Variants in TEKT1 observed in about 807,000 individuals in gnomAD.
TEKT1 encodes tektin-1.
Under a neutral mutation model 34.8 loss-of-function variants are expected in TEKT1, and 32 were observed. That is an observed-to-expected ratio of 0.92 (90% confidence interval 0.69 to 1.23). The LOEUF (loss-of-function observed/expected upper bound fraction) is 1.23. Among genes scored for constraint, TEKT1 ranks in the 50% most tolerant of loss-of-function variants. TEKT1 has a pLI of 0.00. For synonymous variants in TEKT1, 207 were observed against 199.8 expected (o/e 1.04, Z -0.30); for missense variants, 492 against 518.5 (o/e 0.95, Z 0.50).
Position 6,800,048 on chromosome 17 carries a change from G to A in TEKT1, c.1236C>T (p.Leu412=). The A allele has an allele frequency of 6.2e-7, 1 of 1,610,098 alleles. No individual in the cohort carries two copies. The highest frequency in any genetic ancestry group is 8.5e-7 in the Non-Finnish European group (1 of 1,179,974). Residue 412 remains leucine, a synonymous_variant, in exon 8 of 8, where the codon CTC becomes CTT. Transcript: ENST00000338694. ...GEDHGVWAGG[L]RPDAVC Reference sequence around the variant, plus strand: ...ACTATTAGCAGACAGCATCAGGGCGGAGGCCCCCAGCCCAGACCCCATGGT... The same window carrying A: ...ACTATTAGCAGACAGCATCAGGGCGAAGGCCCCCAGCCCAGACCCCATGGT...
intron 5 of TEKT1, 145 bp downstream of exon 5, chr17:6,815,018 T>C (rs904708460): frequency 5.1e-6 from 5 of 974,752 alleles, no homozygotes; most frequent in Middle Eastern, 3.4e-4. Context: ...CTGGGCCCAA[T>C]GTCAAGGTCA....
chr17:6,812,838 A>G lies in TEKT1; in HGVS notation c.845T>C (p.Leu282Pro). The G allele has an allele frequency of 6.2e-7, 1 of 1,613,670 alleles. No homozygotes were observed. The highest frequency in any genetic ancestry group is 1.3e-5 in the African/African-American group (1 of 75,058). Reference sequence around the variant, plus strand: ...TCCCTCAAGGGACCTCACCTTGGCCAGATGATCAGCCAGCTTGTCCCTGGC... The same window carrying G: ...TCCCTCAAGGGACCTCACCTTGGCCGGATGATCAGCCAGCTTGTCCCTGGC... ...KDARDKLADH[L>P]AKVMEEIASQ... Residue 282 changes from leucine (L) to proline (P), a missense_variant, in exon 6 of 8, where the codon CTG becomes CCG. Coordinates refer to ENST00000338694, the MANE Select transcript of TEKT1 (RefSeq NM_053285.2).
At chr17:6,813,856 T>C (rs1976962099) in intron 5 of TEKT1, among the ~76,000 whole-genome samples, 1 of 152,098 alleles carries the variant, frequency 6.6e-6, no homozygotes, top group Admixed American at 6.5e-5. Context: ...GCCTTGAGTA[T>C]GGGATGAATT....
intron 6 of TEKT1, among the ~76,000 whole-genome samples, chr17:6,807,803 G>C (rs1333081090): frequency 6.6e-6 from 1 of 152,188 alleles, no homozygotes; most frequent in Non-Finnish European, 1.5e-5. Context: ...AACGGCAAAT[G>C]TTGCTGCCTG....
At chr17:6,808,655 T>G (rs987910309) in intron 6 of TEKT1, among the ~76,000 whole-genome samples, 11 of 152,194 alleles carry the variant, frequency 7.2e-5, no homozygotes, top group South Asian at 4.1e-4. Context: ...CTGGAGTTCT[T>G]AAATAGATTT....
At chr17:6,814,994 A>AG in intron 5 of TEKT1, 169 bp downstream of exon 5, 3 of 728,472 alleles carry the variant, frequency 4.1e-6, no homozygotes, top group Non-Finnish European at 6.8e-6. Flanking sequence ...CCTAACCTGG[A>AG]GAATCAGGAG....
chr17:6,820,426 A>G (rs995980573), intron 2 of TEKT1, among the ~76,000 whole-genome samples: 9 of 152,028 alleles, frequency 5.9e-5, no homozygotes, highest in Admixed American at 2.0e-4. Context: ...TGAATCTTAA[A>G]GTCATAATGT....
intron 4 of TEKT1, 74 bp downstream of exon 4, chr17:6,815,760 G>A (rs1976996587): frequency 1.3e-6 from 2 of 1,590,218 alleles, no homozygotes; most frequent in South Asian, 1.1e-5. Context: ...GTGCCATGGA[G>A]CCCAGCTTTT....
At chr17:6,819,542 T>G (rs1977057739) in intron 2 of TEKT1, among the ~76,000 whole-genome samples, 184 bp from the exon 3 acceptor site, 1 of 152,228 alleles carries the variant, frequency 6.6e-6, no homozygotes, top group Non-Finnish European at 1.5e-5. Context: ...GAAGATATAT[T>G]TTCTTACAGT....
At chr17:6,822,195 G>A (rs1422217996) in intron 2 of TEKT1, among the ~76,000 whole-genome samples, 2 of 152,114 alleles carry the variant, frequency 1.3e-5, no homozygotes, top group African/African-American at 4.8e-5. Flanking sequence ...GGAGTGCAGT[G>A]GCACAACCAT....
At chr17:6,829,040 A>G (rs1166229874) in intron 2 of TEKT1, among the ~76,000 whole-genome samples, 1 of 151,986 alleles carries the variant, frequency 6.6e-6, no homozygotes, top group African/African-American at 2.4e-5. Context: ...AATCCCAGCT[A>G]CTCAGGAGGC....
At chr17:6,809,672 C>T (rs1976899685) in intron 6 of TEKT1, among the ~76,000 whole-genome samples, 1 of 152,202 alleles carries the variant, frequency 6.6e-6, no homozygotes, top group South Asian at 2.1e-4. Flanking sequence ...AAACCCCTGA[C>T]AACCGCTGAT....
At chr17:6,808,885 C>T (rs1402372716) in intron 6 of TEKT1, among the ~76,000 whole-genome samples, 3 of 152,090 alleles carry the variant, frequency 2.0e-5, no homozygotes, top group Non-Finnish European at 4.4e-5. Flanking sequence ...TATAATAAAA[C>T]TACTACTGCT....
rs115101493 is a variant in TEKT1, at chr17:6,817,697, C to A, written c.356+1496G>T. On this transcript the variant is annotated intron_variant, in intron 3 of 7. Transcript: ENST00000338694. ...CATGATAGTGCTTGGAAAGGAGGTT[C>A]CCCTACTCACTAGCTGGGTGCCCTT... Among the ~76,000 whole-genome samples, 699 of 152,270 alleles carry A rather than the reference C, an allele frequency of 4.6e-3. 5 individuals are homozygous for A. The highest frequency in any genetic ancestry group is 0.014 in the Middle Eastern group (4 of 294).
At chr17:6,806,891 G>T (rs1976852332) in intron 6 of TEKT1, among the ~76,000 whole-genome samples, 1 of 152,124 alleles carries the variant, frequency 6.6e-6, no homozygotes, top group South Asian at 2.1e-4. Flanking sequence ...CTCTCTGGCT[G>T]CCCTTAACAT....
chr17:6,826,338 T>C (rs1372337800), intron 2 of TEKT1, among the ~76,000 whole-genome samples: 2 of 152,228 alleles, frequency 1.3e-5, no homozygotes, highest in Admixed American at 1.3e-4. Context: ...TATTTATATA[T>C]TTTGGATATG....
At position 6,830,355 on chromosome 17, in the gene TEKT1, G is replaced by A. The variant is rs1454309411; in HGVS notation, c.22C>T (p.Pro8Ser). Residue 8 changes from proline (P) to serine (S), a missense_variant, in exon 2 of 8, where the codon CCA (proline) becomes TCA (serine). Pro to Ser is a moderately conservative substitution (Grantham distance 74). Coordinates refer to ENST00000338694, the MANE Select transcript of TEKT1 (RefSeq NM_053285.2). Reference protein sequence around the residue: MAKLLQPPPKFLPSEWHI... With the variant: MAKLLQPSPKFLPSEWHI... ...CACTCTGAGGGCAGGAACTTGGGTG[G>A]AGGTTGTAATAGTTTAGCCATTTGA... 1 of 1,591,778 alleles carries A rather than the reference G, an allele frequency of 6.3e-7. No individual in the cohort carries two copies. Among genetic ancestry groups the A allele is most frequent in the East Asian group, 2.3e-5 (1 of 44,372 alleles).
intron 4 of TEKT1, 38 bp downstream of exon 4, chr17:6,815,796 C>T (rs932251560): frequency 1.9e-6 from 3 of 1,611,442 alleles, no homozygotes; most frequent in East Asian, 4.5e-5. Flanking sequence ...TCTCAAAATT[C>T]CCAGTGGAGA....
At chr17:6,822,779 T>C (rs570608261) in intron 2 of TEKT1, among the ~76,000 whole-genome samples, 1 of 152,316 alleles carries the variant, frequency 6.6e-6, no homozygotes, top group African/African-American at 2.4e-5. Context: ...TTTGTTTTGG[T>C]GTCTGCCATG....
Sources: gnomAD v4.1 joint callset for allele counts (sites outside exome capture counted in the v4.1 genomes callset) on GRCh38, gnomAD v4.1.1 for gene constraint, MANE v1.5 for transcripts, NCBI Gene and HGNC (gene_info 2026-07-23, HGNC 2026-07-21) for gene names.